Variants in WDFY3 observed in about 807,000 individuals in gnomAD.
The protein encoded by WDFY3 is WD repeat and FYVE domain-containing protein 3.
In WDFY3, 66 loss-of-function variants were observed where a neutral mutation model predicts 409.6. That is an observed-to-expected ratio of 0.16 (90% CI 0.13 to 0.20). The LOEUF (loss-of-function observed/expected upper bound fraction) is 0.20, where lower values mean the gene tolerates loss of function less well. Ranked by LOEUF, WDFY3 falls within the 10% of genes least tolerant of loss-of-function variation. The probability of loss-of-function intolerance (pLI) is 1.00; values close to 1 mark genes in which losing one functional copy is unlikely to be tolerated. For missense variants in WDFY3, 3,031 were observed against 4,298.1 expected, an observed-to-expected ratio of 0.71 and a Z score of 8.24; for synonymous variants, 1,521 against 1,537.1, an observed-to-expected ratio of 0.99 and a Z score of 0.25.
chr4:84,962,708 C>T (rs367891402), intron 1 of WDFY3, among the ~76,000 whole-genome samples: 2 of 147,806 alleles, frequency 1.4e-5, no homozygotes, highest in African/African-American at 5.0e-5. Flanking sequence ...GAGTCTCACT[C>T]TGTCACCCAG....
intron 51 of WDFY3, among the ~76,000 whole-genome samples, chr4:84,711,662 C>T (rs976936348): frequency 6.6e-5 from 10 of 151,976 alleles, no homozygotes; most frequent in African/African-American, 2.2e-4. Context: ...AGCAGCCTGG[C>T]CAATATGGTG....
At chr4:84,947,018 A>C (rs1772934279) in intron 1 of WDFY3, among the ~76,000 whole-genome samples, 1 of 151,316 alleles carries the variant, frequency 6.6e-6, no homozygotes, top group Non-Finnish European at 1.5e-5. Flanking sequence ...TGTGTTAGCC[A>C]GGATGGTCTC....
intron 67 of WDFY3, 60 bp downstream of exon 67, chr4:84,677,139 A>G: frequency 1.3e-6 from 2 of 1,592,714 alleles, no homozygotes; most frequent in Non-Finnish European, 8.6e-7. Context: ...TGTGCAGGAC[A>G]TAATTAACAA....
chr4:84,837,455 T>C (rs1314217840), intron 6 of WDFY3, among the ~76,000 whole-genome samples: 1 of 152,206 alleles, frequency 6.6e-6, no homozygotes, highest in African/African-American at 2.4e-5. Flanking sequence ...TAAAAATAGA[T>C]AGAATGATAC....
intron 56 of WDFY3, among the ~76,000 whole-genome samples, chr4:84,698,064 T>C (rs1730430293): frequency 6.6e-6 from 1 of 152,150 alleles, no homozygotes; most frequent in South Asian, 2.1e-4. Context: ...CGCTGTCTGT[T>C]GAATCTCCCT....
chr4:84,754,131 C>T (rs1741008298), intron 34 of WDFY3, among the ~76,000 whole-genome samples: 1 of 152,094 alleles, frequency 6.6e-6, no homozygotes, highest in Non-Finnish European at 1.5e-5. Flanking sequence ...GGTCTGCTAA[C>T]TAGAATCAGT....
rs1725279689 is a variant in WDFY3, at chr4:84,670,390, G to C, written c.*2478C>G. On this transcript the variant is annotated 3_prime_UTR_variant, in exon 68 of 68. Coordinates refer to ENST00000295888, the MANE Select transcript of WDFY3 (RefSeq NM_014991.6). ...AGAGAAATAATTAGTTTATGTATGT[G>C]AGTGTACTTGTATGTGTGAGTGATT... 6.6e-6 allele frequency: 1 copy of C among 152,666 alleles called. No individual in the cohort carries two copies. The highest frequency in any genetic ancestry group is 1.5e-5 in the Non-Finnish European group (1 of 68,042). The allele number at this position is 152,666 out of a possible 1,614,324, so 9.5% of individuals were successfully genotyped here. A position where few individuals can be genotyped will look rare whatever the true frequency, so the allele number is the denominator to read the frequency against.
chr4:84,769,393 T>G (rs1395230008), intron 30 of WDFY3, among the ~76,000 whole-genome samples: 5 of 152,086 alleles, frequency 3.3e-5, no homozygotes, highest in Admixed American at 2.6e-4. Flanking sequence ...CTAACTATAT[T>G]GTCTTTTTTT....
chr4:84,837,718 GAT>G (rs920071253), intron 6 of WDFY3, among the ~76,000 whole-genome samples: 6 of 152,128 alleles, frequency 3.9e-5, no homozygotes, highest in African/African-American at 7.2e-5. Context: ...TGTTAAGTAT[GAT>G]ATAATATTTA....
intron 30 of WDFY3, among the ~76,000 whole-genome samples, chr4:84,769,983 T>C (rs889148447): frequency 1.2e-4 from 18 of 152,122 alleles, no homozygotes; most frequent in African/African-American, 4.1e-4. Flanking sequence ...AAGGCTCAGA[T>C]GATTGTTATC....
At chr4:84,874,794 A>T (rs1251191180) in intron 3 of WDFY3, among the ~76,000 whole-genome samples, 1 of 152,132 alleles carries the variant, frequency 6.6e-6, no homozygotes, top group African/African-American at 2.4e-5. Flanking sequence ...AACGACAGGG[A>T]TACACTCGAG....
intron 32 of WDFY3, among the ~76,000 whole-genome samples, chr4:84,765,468 C>CTTTTGTGCTTATTTGAGT (rs1743463867): frequency 6.6e-6 from 1 of 152,124 alleles, no homozygotes; most frequent in Non-Finnish European, 1.5e-5. Flanking sequence ...GGAACTGGCA[C>CTTTTGTGCTTATTTGAGT]ACAGTAAGTA....
chr4:84,778,107 A>C (rs554226895), intron 27 of WDFY3, among the ~76,000 whole-genome samples: 76 of 152,250 alleles, frequency 5.0e-4, no homozygotes, highest in African/African-American at 1.8e-3. Flanking sequence ...CAGAAAAGGT[A>C]GACTATGAAA....
Position 84,783,060 on chromosome 4 carries a change from T to G in WDFY3, c.4077A>C (p.Ser1359=). Residue 1359 remains serine (S), a synonymous_variant, in exon 25 of 68, where the codon TCA becomes TCC. Coordinates refer to ENST00000295888, the MANE Select transcript of WDFY3 (RefSeq NM_014991.6). ...KAIAKQLGIS[S]HENATPVKLI... ...ACTTCACAGGAGTGGCATTCTCATG[T>G]GAGGAAATGCCTAACTGAAAAATAG... is the stretch of plus-strand genomic sequence containing the variant. 1 of 1,613,888 alleles carries G rather than the reference T, an allele frequency of 6.2e-7. No individual in the cohort carries two copies. Among genetic ancestry groups the G allele is most frequent in the South Asian group, 1.1e-5 (1 of 91,058 alleles).
chr4:84,687,703 A>C (rs1272684002), intron 62 of WDFY3: 1 of 154,506 alleles, frequency 6.5e-6, no homozygotes, highest in African/African-American at 2.4e-5. Context: ...TTTTTTTAGA[A>C]GAAAAATTTA....
chr4:84,920,698 C>A (rs986947032), intron 2 of WDFY3, among the ~76,000 whole-genome samples: 1 of 152,176 alleles, frequency 6.6e-6, no homozygotes, highest in Non-Finnish European at 1.5e-5. Flanking sequence ...CACAGCTGAA[C>A]AGCACCAGTG....
intron 6 of WDFY3, among the ~76,000 whole-genome samples, chr4:84,840,743 A>ATTT (rs34303681): frequency 7.1e-6 from 1 of 141,728 alleles, no homozygotes. Flanking sequence ...CGCTCAGCTA[A>ATTT]TTTTTTTTTT....
In WDFY3 at chr4:84,753,727, G is replaced by A. The variant is rs770246019; in HGVS notation, c.5709C>T (p.Phe1903=). The change falls in exon 35 of 68, where the codon TTC becomes TTT. Residue 1903 remains phenylalanine, a synonymous_variant. Coordinates refer to ENST00000295888, the MANE Select transcript of WDFY3 (RefSeq NM_014991.6). The part of the protein sequence containing the change: ...DFLCALAATV[F]PFNIRPYSEM... ...CTGAGTAAGGGCGAATATTGAAGGGGAAGACGGTGGCTGCTAATGCACACA... is the reference window on the plus strand; with the variant it reads ...CTGAGTAAGGGCGAATATTGAAGGGAAAGACGGTGGCTGCTAATGCACACA... 24 of 1,599,504 alleles carry A rather than the reference G, an allele frequency of 1.5e-5. No homozygotes were observed. The highest frequency in any genetic ancestry group is 6.8e-6 in the Non-Finnish European group (8 of 1,173,600).
intron 33 of WDFY3, 123 bp from the exon 34 acceptor site, chr4:84,755,523 G>C: frequency 9.1e-7 from 1 of 1,103,274 alleles, no homozygotes; most frequent in African/African-American, 1.6e-5. Context: ...AGTAACCAAT[G>C]ATATAGACAT....
Sources: gnomAD v4.1 joint callset for allele counts (sites outside exome capture counted in the v4.1 genomes callset) on GRCh38, gnomAD v4.1.1 for gene constraint, MANE v1.5 for transcripts, NCBI Gene and HGNC (gene_info 2026-07-23, HGNC 2026-07-21) for gene names.